EYS: variants seen among roughly 807,000 people sequenced by gnomAD.
The protein encoded by EYS is EGF-like photoreceptor maintenance factor, also known as protein eyes shut homolog.
Under a neutral mutation model 282.1 loss-of-function variants are expected in EYS, and 250 were observed. The observed-to-expected ratio is 0.89, with a 90% confidence interval of 0.80 to 0.98. The LOEUF (loss-of-function observed/expected upper bound fraction) is 0.98, where lower values mean the gene tolerates loss of function less well. Among genes scored for constraint, EYS ranks in the 50% least tolerant of loss-of-function variants. EYS has a pLI of 0.00. For synonymous variants in EYS, 1,355 were observed against 1,282.9 expected, an observed-to-expected ratio of 1.06 and a Z score of -1.20; for missense variants, 4,016 against 3,709.0, an observed-to-expected ratio of 1.08 and a Z score of -2.15.
chr6:64,465,179 A>G (rs1265883749), intron 26 of EYS, among the ~76,000 whole-genome samples: 1 of 152,118 alleles, frequency 6.6e-6, no homozygotes, highest in Admixed American at 6.5e-5. Context: ...TTAAATGTTC[A>G]TACTACCCAA....
chr6:65,451,997 T>A (rs9351501), intron 5 of EYS, among the ~76,000 whole-genome samples: 3 of 151,588 alleles, frequency 2.0e-5, no homozygotes, highest in Non-Finnish European at 4.4e-5. Context: ...AAACTATTCA[T>A]AGAAACTTTG....
chr6:64,475,342 G>C lies in EYS; in HGVS notation c.5645-35990C>G, dbSNP rs1354316590. 8.4e-5 allele frequency among the ~76,000 whole-genome samples: 11 copies of C among 131,420 alleles called. 2 individuals are homozygous for C. The highest frequency in any genetic ancestry group is 5.3e-4 in the Admixed American group (7 of 13,098). 86.2% of individuals were successfully genotyped at this position (131,420 alleles called of 152,430 possible). On this transcript the variant is annotated intron_variant, in intron 26 of 42. Coordinates refer to ENST00000503581, the MANE Select transcript of EYS (RefSeq NM_001142800.2). Reference sequence around the variant, plus strand: ...CGAGGCGGGCGGATCACAAGGTCAGGAGATCGAGACCATCCCGGCTAAAAC... The same window carrying C: ...CGAGGCGGGCGGATCACAAGGTCAGCAGATCGAGACCATCCCGGCTAAAAC...
At chr6:64,087,913 A>G (rs1420633626) in intron 31 of EYS, among the ~76,000 whole-genome samples, 3 of 152,068 alleles carry the variant, frequency 2.0e-5, no homozygotes, top group Non-Finnish European at 1.5e-5. Context: ...ATATAATTCA[A>G]TTTGCTAAAA....
At chr6:64,255,869 T>A (rs1364931131) in intron 30 of EYS, among the ~76,000 whole-genome samples, 1 of 152,014 alleles carries the variant, frequency 6.6e-6, no homozygotes, top group African/African-American at 2.4e-5. Flanking sequence ...TTATGAAAAA[T>A]TTTATGTTTC....
At chr6:65,152,982 C>CAA (rs112973520) in intron 12 of EYS, among the ~76,000 whole-genome samples, 1 of 133,890 alleles carries the variant, frequency 7.5e-6, no homozygotes. Flanking sequence ...TGTATTAGAC[C>CAA]AAAAAAAAAA....
chr6:64,125,719 G>C (rs1208794699), intron 31 of EYS, among the ~76,000 whole-genome samples: 1 of 149,198 alleles, frequency 6.7e-6, no homozygotes, highest in African/African-American at 2.5e-5. Context: ...CCGGGAGGCG[G>C]AGCTTGCAGT....
intron 12 of EYS, among the ~76,000 whole-genome samples, chr6:65,184,519 C>CA (rs1286530128): frequency 2.0e-5 from 3 of 151,686 alleles, no homozygotes; most frequent in African/African-American, 7.2e-5. Context: ...TAGCATGATT[C>CA]AAACAAATAA....
intron 31 of EYS, among the ~76,000 whole-genome samples, chr6:64,155,056 G>A (rs189168502): frequency 6.6e-6 from 1 of 152,268 alleles, no homozygotes; most frequent in East Asian, 1.9e-4. Context: ...CCAAGGGGCA[G>A]GTCAGTAAGG....
intron 29 of EYS, among the ~76,000 whole-genome samples, chr6:64,357,894 T>A (rs765367039): frequency 1.3e-5 from 2 of 151,600 alleles, no homozygotes; most frequent in Non-Finnish European, 3.0e-5. Flanking sequence ...CAAGACTGAT[T>A]AAGTAAACCT....
At chr6:63,734,700 T>C (rs1279129247) in intron 41 of EYS, among the ~76,000 whole-genome samples, 3 of 152,142 alleles carry the variant, frequency 2.0e-5, no homozygotes, top group African/African-American at 4.8e-5. Flanking sequence ...GATAATGTTG[T>C]CATTAACTGA....
intron 22 of EYS, among the ~76,000 whole-genome samples, chr6:64,675,230 T>C (rs1489498008): frequency 2.0e-5 from 3 of 152,080 alleles, no homozygotes; most frequent in Non-Finnish European, 4.4e-5. Context: ...CTCCCCACCT[T>C]ACACTCCTAC....
At chr6:63,872,479 T>TTTTTG (rs1250221734) in intron 35 of EYS, among the ~76,000 whole-genome samples, 1 of 146,930 alleles carries the variant, frequency 6.8e-6, no homozygotes, top group Non-Finnish European at 1.5e-5. Context: ...TAAATATGGT[T>TTTTTG]TTTTTTTTTT....
intron 35 of EYS, among the ~76,000 whole-genome samples, chr6:63,982,863 G>A (rs377364968): frequency 6.6e-6 from 1 of 151,860 alleles, no homozygotes; most frequent in East Asian, 1.9e-4. Flanking sequence ...AAGCCTCATG[G>A]AAAATATTTA....
At position 64,834,417 on chromosome 6, in the gene EYS, T is replaced by C. The variant is rs115227439; in HGVS notation, c.2993-11595A>G. 6.4e-3 allele frequency among the ~76,000 whole-genome samples: 967 copies of C among 151,926 alleles called. 1 individual carries two copies. The highest frequency in any genetic ancestry group is 9.5e-3 in the Non-Finnish European group (645 of 67,858). ...AAAATGGAAAAAATTGAAATTAATA[T>C]AATGTCTACTGTTCTCCATATGGCT... On this transcript the variant is annotated intron_variant, in intron 19 of 42. Transcript: ENST00000503581.
intron 28 of EYS, among the ~76,000 whole-genome samples, chr6:64,407,317 C>A (rs6937117): frequency 0.37 from 55,492 of 150,716 alleles, 11,011 homozygotes; most frequent in African/African-American, 0.52. Context: ...GGGCTGGGTG[C>A]GGGACAGCAT....
At chr6:65,354,570 C>T (rs1031717663) in intron 8 of EYS, among the ~76,000 whole-genome samples, 1 of 152,028 alleles carries the variant, frequency 6.6e-6, no homozygotes, top group Non-Finnish European at 1.5e-5. Flanking sequence ...AATCCTAGCA[C>T]TTTGGGATGC....
chr6:64,177,947 C>T (rs1054650478), intron 31 of EYS, among the ~76,000 whole-genome samples: 2 of 152,074 alleles, frequency 1.3e-5, no homozygotes, highest in African/African-American at 2.4e-5. Context: ...TTACTCCAAC[C>T]CTTGGTCCAA....
intron 12 of EYS, among the ~76,000 whole-genome samples, chr6:65,159,202 G>A (rs1764795643): frequency 6.6e-6 from 1 of 150,750 alleles, no homozygotes. Flanking sequence ...TGGGCACAAT[G>A]CATTAATTAT....
chr6:64,505,364 T>C (rs888082921), intron 26 of EYS, among the ~76,000 whole-genome samples: 2 of 152,240 alleles, frequency 1.3e-5, no homozygotes, highest in Non-Finnish European at 2.9e-5. Flanking sequence ...ACCTCAAATA[T>C]GTTTTGGAAA....
Sources: allele counts gnomAD v4.1 joint callset (sites outside exome capture counted in the v4.1 genomes callset), GRCh38; gene constraint gnomAD v4.1.1; transcripts MANE v1.5; gene names NCBI Gene and HGNC (gene_info 2026-07-23, HGNC 2026-07-21).